LRRFIP2: variants seen among roughly 807,000 people sequenced by gnomAD.
LRRFIP2 encodes the protein LRR binding FLII interacting protein 2, also known as leucine-rich repeat flightless-interacting protein 2.
LRRFIP2 carries 109 observed loss-of-function variants against 125.9 expected under a neutral mutation model. The observed-to-expected ratio is 0.87, with a 90% CI of 0.74 to 1.01. The LOEUF is 1.01. Ranked by LOEUF, LRRFIP2 falls within the 50% of genes least tolerant of loss-of-function variation. The probability of loss-of-function intolerance (pLI) is 0.00; values close to 1 mark genes in which losing one functional copy is unlikely to be tolerated. For synonymous variants in LRRFIP2, 291 were observed against 293.1 expected, an observed-to-expected ratio of 0.99 and a Z score of 0.07; for missense variants, 850 against 862.3, an observed-to-expected ratio of 0.99 and a Z score of 0.18.
chr3:37,073,227 C>A (rs547223944), intron 20 of LRRFIP2, among the ~76,000 whole-genome samples: 84 of 152,332 alleles, frequency 5.5e-4, no homozygotes, highest in Non-Finnish European at 9.0e-4. Context: ...CAAGAACTTA[C>A]ATTCCTAGAG....
chr3:37,128,775 C>T (rs1305118363), intron 3 of LRRFIP2, among the ~76,000 whole-genome samples: 1 of 152,146 alleles, frequency 6.6e-6, no homozygotes, highest in Non-Finnish European at 1.5e-5. Flanking sequence ...TAAAGCTATA[C>T]TACACTTTGT....
chr3:37,165,622 G>A (rs2096461338), intron 1 of LRRFIP2, among the ~76,000 whole-genome samples: 1 of 151,488 alleles, frequency 6.6e-6, no homozygotes, highest in Non-Finnish European at 1.5e-5. Context: ...CGTGGTGGCA[G>A]GTGCCTGTAA....
At chr3:37,088,965 T>C (rs1272772330) in intron 18 of LRRFIP2, among the ~76,000 whole-genome samples, 1 of 152,158 alleles carries the variant, frequency 6.6e-6, no homozygotes, top group African/African-American at 2.4e-5. Context: ...TGGTAGATTA[T>C]CTTTCAGGCC....
At chr3:37,056,157 T>C (rs1294808723) in intron 25 of LRRFIP2, among the ~76,000 whole-genome samples, 1 of 152,156 alleles carries the variant, frequency 6.6e-6, no homozygotes, top group East Asian at 1.9e-4. Context: ...TGCTGTTCAG[T>C]AATGTGATAA....
chr3:37,111,472 T>G (rs2094541396), intron 8 of LRRFIP2, among the ~76,000 whole-genome samples: 1 of 152,178 alleles, frequency 6.6e-6, no homozygotes, highest in African/African-American at 2.4e-5. Flanking sequence ...CTTGTCAAAA[T>G]AAACTGACAA....
rs1291987662 is a variant in LRRFIP2 at position 37,060,871 on chromosome 3, G to A, written c.1750-1961C>T. Among the ~76,000 whole-genome samples, 1 of 152,064 alleles carries A rather than the reference G, an allele frequency of 6.6e-6. No individual in the cohort carries two copies. Among genetic ancestry groups the A allele is most frequent in the African/African-American group, 2.4e-5 (1 of 41,384 alleles). On this transcript the variant is annotated intron_variant, in intron 24 of 27. Coordinates refer to ENST00000336686, the MANE Select transcript of LRRFIP2 (RefSeq NM_006309.4). The surrounding 1 kb of genome is among the most constrained non-coding windows in gnomAD (Gnocchi z 4.1). ...AATTTCAATGTACATCTAAGTAGAG[G>A]ATCTCCCTTACAAATGATCTCTCAA...
intron 2 of LRRFIP2, among the ~76,000 whole-genome samples, chr3:37,136,973 T>TGGGGGGGGG (rs536855501): frequency 1.3e-5 from 1 of 78,676 alleles, no homozygotes; most frequent in Non-Finnish European, 2.5e-5. Flanking sequence ...GGTGGGGGGG[T>TGGGGGGGGG]GGGGGGGGGG....
At position 37,155,524 on chromosome 3, in the gene LRRFIP2, G is replaced by C. The variant is rs564665145; in HGVS notation, c.-55-6486C>G. On this transcript the variant is annotated intron_variant, in intron 1 of 27. Transcript: ENST00000336686. Reference sequence around the variant, plus strand: ...AAAGGAGAAATTTTTAAGGTACTTTGTATTCAAAGTTTACTTCTAAAACTG... The same window carrying C: ...AAAGGAGAAATTTTTAAGGTACTTTCTATTCAAAGTTTACTTCTAAAACTG... Among the ~76,000 whole-genome samples, 20 of 152,280 alleles carry C rather than the reference G, an allele frequency of 1.3e-4. 1 individual carries two copies. The South Asian group carries it at 4.1e-3, about 32-fold the overall frequency.
At position 37,075,091 on chromosome 3, in the gene LRRFIP2, C is replaced by T. The variant is rs1158286744; in HGVS notation, c.1304G>A (p.Cys435Tyr). 6.2e-7 allele frequency: 1 copy of T among 1,611,926 alleles called. No individual in the cohort carries two copies. Among genetic ancestry groups the T allele is most frequent in the South Asian group, 1.1e-5 (1 of 91,056 alleles). ...SKELERQKHM[C>Y]SVLQHKMEEL... ...TTCCATCTTATGCTGCAGCACACTA[C>T]ACATATGTTTCTGCCTTTCTAACTC... Residue 435 changes from cysteine to tyrosine, a missense_variant, in exon 20 of 28, where the codon TGT becomes TAT. Cys to Tyr is a radical substitution (Grantham distance 194). Transcript: ENST00000336686.
intron 2 of LRRFIP2, among the ~76,000 whole-genome samples, chr3:37,132,578 C>A (rs1214644367): frequency 2.0e-5 from 3 of 152,176 alleles, no homozygotes; most frequent in Non-Finnish European, 4.4e-5. Context: ...GCCATTAAAA[C>A]CACATGCTTT....
chr3:37,091,458 C>G lies in LRRFIP2; in HGVS notation c.1107+9G>C. On this transcript the variant is annotated intron_variant, in intron 18 of 27. Coordinates refer to ENST00000336686, the MANE Select transcript of LRRFIP2 (RefSeq NM_006309.4). The stretch of plus-strand genomic sequence containing the variant: ...GAGCATGCTTGGGCTGCAGAATGGG[C>G]CCTGATACCTTTAGTTCTTTAAGCC... The G allele has an allele frequency of 6.2e-7, 1 of 1,605,158 alleles. No individual in the cohort carries two copies. The highest frequency in any genetic ancestry group is 8.5e-7 in the Non-Finnish European group (1 of 1,176,342).
Position 37,082,891 on chromosome 3 carries a change from A to G in LRRFIP2, c.1278+745T>C, listed in dbSNP as rs924201804. ...GCAAATTCAGATTGCTGTTTCTAAC[A>G]ATTTATCAATATGCACTTCCTAAAT... On this transcript the variant is annotated intron_variant, in intron 19 of 27. Transcript: ENST00000336686. 4.6e-5 allele frequency among the ~76,000 whole-genome samples: 7 copies of G among 151,882 alleles called. No homozygotes were observed. In the East Asian group the frequency reaches 1.2e-3, roughly 25 times the overall value.
chr3:37,138,496 A>G (rs1280526770), intron 2 of LRRFIP2, among the ~76,000 whole-genome samples: 4 of 152,332 alleles, frequency 2.6e-5, no homozygotes, highest in African/African-American at 7.2e-5. Flanking sequence ...TACTGTATCT[A>G]ATGAACCACA....
chr3:37,108,020 T>C, intron 13 of LRRFIP2, 53 bp downstream of exon 13: 1 of 1,445,596 alleles, frequency 6.9e-7, no homozygotes, highest in Non-Finnish European at 9.7e-7. Flanking sequence ...TGAGTACAGA[T>C]TAACGCAACA....
At chr3:37,087,617 C>T (rs1398868650) in intron 18 of LRRFIP2, among the ~76,000 whole-genome samples, 4 of 150,018 alleles carry the variant, frequency 2.7e-5, no homozygotes, top group Non-Finnish European at 4.4e-5. Flanking sequence ...GAGACGGAGT[C>T]TCACTGTGTC....
chr3:37,165,044 G>A (rs2096443177), intron 1 of LRRFIP2, among the ~76,000 whole-genome samples: 1 of 151,624 alleles, frequency 6.6e-6, no homozygotes, highest in Non-Finnish European at 1.5e-5. Flanking sequence ...GACCATCCTG[G>A]CTAACATGGT....
chr3:37,159,230 G>A (rs1053963837), intron 1 of LRRFIP2, among the ~76,000 whole-genome samples: 2 of 152,084 alleles, frequency 1.3e-5, no homozygotes, highest in African/African-American at 4.8e-5. Context: ...AGCATCATTT[G>A]TTGAAAAGAC....
In LRRFIP2 at chr3:37,119,297, A is replaced by T. The variant is rs1276112126; in HGVS notation, c.330+2195T>A. On this transcript the variant is annotated intron_variant, in intron 6 of 27. Transcript: ENST00000336686. ...TGGAGTTATATCTTAAATTTGTTTA[A>T]TGATACAAATGCCATAAAAATAAAA... 2.6e-5 allele frequency among the ~76,000 whole-genome samples: 4 copies of T among 152,346 alleles called. No individual in the cohort carries two copies. In the East Asian group the frequency reaches 7.7e-4, roughly 29 times the overall value.
chr3:37,142,020 T>C (rs2095714674), intron 2 of LRRFIP2, among the ~76,000 whole-genome samples: 2 of 152,146 alleles, frequency 1.3e-5, no homozygotes, highest in South Asian at 2.1e-4. Flanking sequence ...CCTTGCCACA[T>C]GTGGACCTGA....
Sources: allele counts gnomAD v4.1 joint callset (sites outside exome capture counted in the v4.1 genomes callset), GRCh38; gene constraint gnomAD v4.1.1; non-coding constraint Gnocchi (gnomAD v3.1); transcripts MANE v1.5; gene names NCBI Gene and HGNC (gene_info 2026-07-23, HGNC 2026-07-21).